ZNF75D: variants seen among roughly 807,000 people sequenced by gnomAD.
ZNF75D encodes the protein zinc finger protein 75D, also known as zinc finger protein 75.
A neutral mutation model predicts 33.3 loss-of-function variants in ZNF75D; 33 were observed. The ratio of observed to expected loss-of-function variants is 0.99; its 90% CI spans 0.75 to 1.32. The LOEUF (loss-of-function observed/expected upper bound fraction) is 1.32, where lower values mean the gene tolerates loss of function less well. ZNF75D is among the 40% of genes most tolerant of loss of function. The probability of loss-of-function intolerance (pLI) is 0.00; values close to 1 mark genes in which losing one functional copy is unlikely to be tolerated. For missense variants in ZNF75D, 338 were observed against 367.5 expected, an observed-to-expected ratio of 0.92 and a Z score of 0.66; for synonymous variants, 113 against 130.6, an observed-to-expected ratio of 0.87 and a Z score of 0.92.
intron 1 of ZNF75D, among the ~76,000 whole-genome samples, chrX:135,264,885 T>C (rs2083856833): frequency 8.9e-6 from 1 of 111,817 alleles, no homozygotes; most frequent in Admixed American, 9.4e-5. Flanking sequence ...GAAGAATGCC[T>C]ACAGGATCTA....
rs1556420152 is a variant in ZNF75D at position 135,287,757 on chromosome X, T to C, written c.913A>G (p.Lys305Glu). The C allele has an allele frequency of 8.3e-7, 1 of 1,211,385 alleles. No individual in the cohort carries two copies. The highest frequency in any genetic ancestry group is 1.1e-6 in the Non-Finnish European group (1 of 895,150). Residue 305 changes from lysine (K) to glutamate (E), a missense_variant, in exon 7 of 7, where the codon AAG becomes GAG. Transcript: ENST00000370766. ...IQTSGCEVSK[K>E]TRMKIAQKTM... ...TTCTGGGCAATTTTCATTCTGGTCT[T>C]TTTTGATACTTCGCATCCTGATGTT...
At chrX:135,303,102 G>A (rs1419012676) in intron 1 of ZNF75D, among the ~76,000 whole-genome samples, 4 of 110,985 alleles carry the variant, frequency 3.6e-5, no homozygotes, top group Non-Finnish European at 7.6e-5. Flanking sequence ...ATTGCTGCCC[G>A]CATGTCCCAC....
chrX:135,299,995 C>A (rs1416518405), intron 1 of ZNF75D, among the ~76,000 whole-genome samples: 2 of 112,160 alleles, frequency 1.8e-5, no homozygotes, highest in African/African-American at 6.5e-5. Context: ...TATGCAAATA[C>A]CACACTGTCT....
intron 1 of ZNF75D, among the ~76,000 whole-genome samples, chrX:135,300,803 T>G (rs2084208332): frequency 9.1e-6 from 1 of 110,460 alleles, no homozygotes; most frequent in South Asian, 3.8e-4. Context: ...ACTTTATTTC[T>G]TAAGTAGGGG....
intron 1 of ZNF75D, chrX:135,309,530 CAAG>C: frequency 3.4e-6 from 1 of 297,211 alleles, no homozygotes; most frequent in Non-Finnish European, 5.9e-6. Context: ...CACTGAACAT[CAAG>C]AAGTCAGGCA....
intron 1 of ZNF75D, among the ~76,000 whole-genome samples, chrX:135,302,997 G>A (rs1283643220): frequency 1.8e-5 from 2 of 110,576 alleles, no homozygotes; most frequent in Non-Finnish European, 3.8e-5. Context: ...GTAAACACGT[G>A]AACAAAGGTC....
rs1339870519 is a variant in ZNF75D at position 135,322,826 on chromosome X, A to T, written c.-391+18942T>A. Among the ~76,000 whole-genome samples, 6 of 112,188 alleles carry T rather than the reference A, an allele frequency of 5.3e-5. No homozygotes were observed. In the Admixed American group the frequency reaches 5.6e-4, roughly 11 times the overall value. On this transcript the variant is annotated intron_variant, in intron 1 of 6. Coordinates refer to ENST00000370766, the MANE Select transcript of ZNF75D (RefSeq NM_007131.5). ...GCCATAGAAAATTAGGCAATGTAAC[A>T]GTTCTGTTGTTTAAGGTAAGGCATA...
chrX:135,321,358 T>C (rs1556434175), intron 1 of ZNF75D, among the ~76,000 whole-genome samples: 1 of 112,549 alleles, frequency 8.9e-6, no homozygotes, highest in Admixed American at 9.4e-5. Flanking sequence ...TTTATTTATA[T>C]AATTTTATAT....
chrX:135,292,427 G>A lies in ZNF75D; in HGVS notation c.458C>T (p.Thr153Ile), dbSNP rs781940746. ...LGKEAVLLGG[T>I]AVAPGFKWKP... The stretch of plus-strand genomic sequence containing the variant: ...CCACTTGAAGCCTGGGGCCACTGCT[G>A]TTCCTCCCAAGAGCACTGCCTCCTT... Residue 153 changes from threonine to isoleucine, a missense_variant, in exon 4 of 7, where the codon ACA (threonine) becomes ATA (isoleucine). By Grantham distance (89) the Thr-to-Ile change is moderately conservative. Around this residue, in one of 3 missense-constraint regions of ZNF75D, gnomAD observed 254 missense variants for 267.7 expected, o/e 0.95. Transcript: ENST00000370766. 1 of 1,211,588 alleles carries A rather than the reference G, an allele frequency of 8.3e-7. No homozygotes were observed. The highest frequency in any genetic ancestry group is 2.2e-5 in the Admixed American group (1 of 46,050).
Position 135,294,049 on chromosome X carries a change from C to T in ZNF75D, c.92G>A (p.Ser31Asn). The T allele has an allele frequency of 8.3e-7, 1 of 1,211,101 alleles. No individual in the cohort carries two copies. The highest frequency in any genetic ancestry group is 1.8e-5 in the South Asian group (1 of 56,960). The part of the protein sequence containing the change: ...ETSGSVKENS[S>N]QSKKYSTKIE... ...TTTTGTGCTGTATTTCTTACTCTGA[C>T]TGGAGTTCTCTTTCACAGACCCACT... The change falls in exon 3 of 7, where the codon AGT becomes AAT. Residue 31 changes from serine (S) to asparagine (N), a missense_variant. Transcript: ENST00000370766.
intron 1 of ZNF75D, among the ~76,000 whole-genome samples, chrX:135,262,065 T>C (rs1178247345): frequency 8.9e-6 from 1 of 111,950 alleles, no homozygotes; most frequent in Non-Finnish European, 1.9e-5. Flanking sequence ...TTAGTTTGGC[T>C]GGATATGAAA....
downstream of ZNF75D, among the ~76,000 whole-genome samples, chrX:135,284,647 C>T (rs1453488402): frequency 8.9e-6 from 1 of 112,109 alleles, no homozygotes; most frequent in Non-Finnish European, 1.9e-5. Flanking sequence ...CACTTCCTGC[C>T]ACTTGCCTTA....
At chrX:135,283,805 G>A (rs1303944761), downstream of ZNF75D, among the ~76,000 whole-genome samples, 1 of 111,536 alleles carries the variant, frequency 9.0e-6, no homozygotes, top group African/African-American at 3.3e-5. Context: ...AAAGGCCCAT[G>A]GGTAGAAACC....
At chrX:135,302,537 G>C (rs1357723054) in intron 1 of ZNF75D, among the ~76,000 whole-genome samples, 1 of 112,667 alleles carries the variant, frequency 8.9e-6, no homozygotes, top group Non-Finnish European at 1.9e-5. Context: ...GTAGCAGAGC[G>C]GGACTTAACC....
chrX:135,318,093 T>A (rs868967823), intron 1 of ZNF75D, among the ~76,000 whole-genome samples: 1,005 of 89,391 alleles, frequency 0.011, 7 homozygotes, highest in Non-Finnish European at 0.017. Flanking sequence ...ATATATTTTT[T>A]TTTTTTTTTT....
intron 1 of ZNF75D, among the ~76,000 whole-genome samples, chrX:135,331,679 T>C (rs1164004889): frequency 2.7e-5 from 3 of 111,551 alleles, no homozygotes; most frequent in African/African-American, 9.8e-5. Flanking sequence ...CTGTGCCCTC[T>C]TCCTCTCCTC....
At chrX:135,281,610 T>A (rs2083920167), downstream of ZNF75D, among the ~76,000 whole-genome samples, 1 of 112,307 alleles carries the variant, frequency 8.9e-6, no homozygotes, top group Non-Finnish European at 1.9e-5. Context: ...TGTTTTTTCC[T>A]CATCTTCATG....
chrX:135,295,667 T>C (rs919931377), intron 2 of ZNF75D, 101 bp downstream of exon 2: 4 of 111,928 alleles, frequency 3.6e-5, no homozygotes, highest in Non-Finnish European at 7.5e-5. Flanking sequence ...CCTCATTCCC[T>C]GCTACGCAGC....
chrX:135,281,820 C>G (rs1351120061), downstream of ZNF75D, among the ~76,000 whole-genome samples: 1 of 112,591 alleles, frequency 8.9e-6, no homozygotes, highest in African/African-American at 3.2e-5. Context: ...CCAGCAGAGG[C>G]TGCAGAACAG....
Sources: gnomAD v4.1 joint callset for allele counts (sites outside exome capture counted in the v4.1 genomes callset) on GRCh38, gnomAD v4.1.1 for gene constraint, gnomAD v4.1.1 regional missense constraint, MANE v1.5 for transcripts, NCBI Gene and HGNC (gene_info 2026-07-23, HGNC 2026-07-21) for gene names.